The following SLC41A3 variants were observed in gnomAD, a reference collection of about 807,000 sequenced individuals.
The protein encoded by SLC41A3 is SLC41A1-like 2.
A neutral mutation model predicts 45.4 loss-of-function variants in SLC41A3; 44 were observed. The ratio of observed to expected loss-of-function variants is 0.97; its 90% confidence interval spans 0.76 to 1.25. The LOEUF is 1.25. Ranked by LOEUF, SLC41A3 falls within the 50% of genes most tolerant of loss-of-function variation. The probability of loss-of-function intolerance (pLI) is 0.00; values close to 1 mark genes in which losing one functional copy is unlikely to be tolerated. For synonymous variants in SLC41A3, 256 were observed against 252.4 expected (o/e 1.01, Z -0.13); for missense variants, 550 against 600.6 (o/e 0.92, Z 0.88).
chr3:126,015,524 C>T lies in SLC41A3; in HGVS notation c.940G>A (p.Gly314Ser). The change falls in exon 8 of 11, where the codon GGC becomes AGC. Residue 314 changes from glycine (G) to serine (S), a missense_variant. Coordinates refer to ENST00000360370, the MANE Select transcript of SLC41A3 (RefSeq NM_017836.4). ...SKTVSKQQYK[G>S]MAIFTPVICG... ...ATGACGGGGGTAAATATCGCCATGC[C>T]TTTGTACTGCTGTTTAGAAACGGTT... 6.2e-7 allele frequency: 1 copy of T among 1,614,210 alleles called. No individual in the cohort carries two copies. Among genetic ancestry groups the T allele is most frequent in the South Asian group, 1.1e-5 (1 of 91,074 alleles).
intron 1 of SLC41A3, among the ~76,000 whole-genome samples, chr3:126,083,137 A>G (rs2108106640): frequency 1.3e-5 from 2 of 152,362 alleles, no homozygotes; most frequent in Middle Eastern, 3.4e-3. Context: ...ACCCCAGTTC[A>G]GACTCCTCAA....
chr3:126,093,086 T>G (rs1250798099), intron 1 of SLC41A3, among the ~76,000 whole-genome samples: 1 of 152,016 alleles, frequency 6.6e-6, no homozygotes, highest in Non-Finnish European at 1.5e-5. Flanking sequence ...GAAGAGAGGG[T>G]GATATAGAGG....
intron 6 of SLC41A3, among the ~76,000 whole-genome samples, chr3:126,018,110 A>C (rs1490547590): frequency 6.6e-6 from 1 of 152,028 alleles, no homozygotes; most frequent in Non-Finnish European, 1.5e-5. Flanking sequence ...AGCTGCTCAC[A>C]CCTCAGCGGG....
upstream of SLC41A3, among the ~76,000 whole-genome samples, chr3:126,086,745 C>A (rs924697669): frequency 1.3e-5 from 2 of 151,950 alleles, no homozygotes; most frequent in Non-Finnish European, 2.9e-5. Flanking sequence ...ATGAAACAGG[C>A]TATCATGAAT....
chr3:126,030,285 TTATA>T (rs147574354), intron 4 of SLC41A3, among the ~76,000 whole-genome samples: 84 of 146,618 alleles, frequency 5.7e-4, no homozygotes, highest in Admixed American at 1.3e-3. Context: ...TAATATATAA[TTATA>T]TATATATTAT....
intron 5 of SLC41A3, 176 bp from the exon 6 acceptor site, chr3:126,023,108 G>A: frequency 1.3e-6 from 1 of 780,324 alleles, no homozygotes; most frequent in Non-Finnish European, 2.0e-6. Context: ...AGGCTGCCCT[G>A]ACTTTCAGAG....
At chr3:126,071,819 G>A (rs977037975) in intron 1 of SLC41A3, among the ~76,000 whole-genome samples, 17 of 149,630 alleles carry the variant, frequency 1.1e-4, no homozygotes, top group African/African-American at 3.9e-4. Context: ...CACCCAGGCT[G>A]GAGTGCAATG....
chr3:126,086,408 GTTTTTTTTTTTTTTT>G (rs57316346), upstream of SLC41A3, among the ~76,000 whole-genome samples: 4 of 21,184 alleles, frequency 1.9e-4, no homozygotes, highest in Non-Finnish European at 4.4e-4. Context: ...TTGTTTTCTT[GTTTTTTTTTTTTTTT>G]TTTTTTTTTT....
intron 2 of SLC41A3, among the ~76,000 whole-genome samples, chr3:126,066,851 A>G (rs745615149): frequency 1.3e-5 from 2 of 152,282 alleles, no homozygotes; most frequent in Admixed American, 6.5e-5. Flanking sequence ...CAAACCTTTG[A>G]TCATCTGTAG....
At chr3:126,034,230 G>C (rs989712552) in intron 3 of SLC41A3, among the ~76,000 whole-genome samples, 1 of 152,080 alleles carries the variant, frequency 6.6e-6, no homozygotes, top group Non-Finnish European at 1.5e-5. Flanking sequence ...TCCCATTTAA[G>C]GAACACATAT....
chr3:126,077,678 G>A (rs1944943089), intron 1 of SLC41A3, among the ~76,000 whole-genome samples: 1 of 152,154 alleles, frequency 6.6e-6, no homozygotes, highest in African/African-American at 2.4e-5. Context: ...CCCAACTGCT[G>A]GTAAAACATT....
In SLC41A3 at chr3:126,022,848, A is replaced by G. The variant is rs1456608515; in HGVS notation, c.683T>C (p.Leu228Pro). ...AATGGACAGTGTGATGAGGTCTCCC[A>G]GGCTGGCTGCAATGGGCGTGGCAAT... ...DNIATPIAAS[L>P]GDLITLSILA... Residue 228 changes from leucine (L) to proline (P), a missense_variant, in exon 6 of 11, where the codon CTG becomes CCG. By Grantham distance (98) the Leu-to-Pro change is moderately conservative. Coordinates refer to ENST00000360370, the MANE Select transcript of SLC41A3 (RefSeq NM_017836.4). 2 of 1,614,096 alleles carry G rather than the reference A, an allele frequency of 1.2e-6. No individual in the cohort carries two copies. The highest frequency in any genetic ancestry group is 1.3e-5 in the African/African-American group (1 of 74,938).
At chr3:126,018,629 G>A (rs907618518) in intron 6 of SLC41A3, among the ~76,000 whole-genome samples, 2 of 152,186 alleles carry the variant, frequency 1.3e-5, no homozygotes, top group Non-Finnish European at 2.9e-5. Flanking sequence ...ATTCCCATGG[G>A]GAGTGATAAA....
intron 4 of SLC41A3, among the ~76,000 whole-genome samples, chr3:126,030,395 A>G (rs1156302597): frequency 1.3e-5 from 2 of 151,890 alleles, no homozygotes; most frequent in Admixed American, 6.6e-5. Context: ...ACTCACAGAA[A>G]AGAAAATACA....
chr3:126,056,807 C>T, intron 2 of SLC41A3: 2 of 1,306,888 alleles, frequency 1.5e-6, no homozygotes, highest in Non-Finnish European at 2.0e-6. Context: ...CCCTGCTGTC[C>T]CTCCCTGAAG....
chr3:126,085,820 T>G (rs1945371627), upstream of SLC41A3, among the ~76,000 whole-genome samples: 1 of 80,532 alleles, frequency 1.2e-5, no homozygotes, highest in Non-Finnish European at 2.6e-5. Context: ...TGTGGGAGTG[T>G]CTGGGGGGGG....
chr3:126,079,239 C>CA (rs34429413), intron 1 of SLC41A3, among the ~76,000 whole-genome samples: 47,848 of 100,896 alleles, frequency 0.47, 8,130 homozygotes, highest in African/African-American at 0.51. Context: ...CACACACACA[C>CA]CCACACACGA....
chr3:126,077,988 C>T (rs149858011), intron 1 of SLC41A3, among the ~76,000 whole-genome samples: 25 of 152,274 alleles, frequency 1.6e-4, no homozygotes, highest in Middle Eastern at 3.4e-3. Flanking sequence ...CAGGCGGCAC[C>T]GGTGTGGCTC....
At position 126,079,240 on chromosome 3, in the gene SLC41A3, C is replaced by CACACACACACACACACA. The variant is rs35781435; in HGVS notation, c.-28+4852_-28+4853insTGTGTGTGTGTGTGTGT. Among the ~76,000 whole-genome samples, 9 of 100,774 alleles carry CACACACACACACACACA rather than the reference C, an allele frequency of 8.9e-5. 1 individual carries two copies. The highest frequency in any genetic ancestry group is 3.2e-4 in the African/African-American group (9 of 27,948). The allele number at this position is 100,774 out of a possible 152,430, so 66.1% of individuals were successfully genotyped here. On this transcript the variant is annotated intron_variant, in intron 1 of 10. Transcript: ENST00000360370. ...CACACACACACACACACACACACAC[C>CACACACACACACACACA]CACACACGATCAGGGATTTAAATTC...
Sources: allele counts gnomAD v4.1 joint callset (sites outside exome capture counted in the v4.1 genomes callset), GRCh38; gene constraint gnomAD v4.1.1; transcripts MANE v1.5; gene names NCBI Gene and HGNC (gene_info 2026-07-23, HGNC 2026-07-21).